SYT4: variants seen among roughly 807,000 people sequenced by gnomAD.
SYT4 encodes the protein synaptotagmin 4.
Under a neutral mutation model 32.9 loss-of-function variants are expected in SYT4, and 7 were observed. That is an observed-to-expected ratio of 0.21 (90% CI 0.12 to 0.40). The LOEUF is 0.40. Among genes scored for constraint, SYT4 ranks in the 10% least tolerant of loss-of-function variants. The probability of loss-of-function intolerance (pLI) is 1.00; values close to 1 mark genes in which losing one functional copy is unlikely to be tolerated. For missense variants in SYT4, 480 were observed against 488.0 expected (o/e 0.98, Z 0.16); for synonymous variants, 205 against 186.2 (o/e 1.10, Z -0.82).
chr18:43,270,916 G>A (rs1251804190), intron 3 of SYT4, among the ~76,000 whole-genome samples: 1 of 151,878 alleles, frequency 6.6e-6, no homozygotes, highest in East Asian at 1.9e-4. Context: ...TAACACAAAA[G>A]GAAAGAAAAT....
chr18:43,271,911 C>CG, intron 2 of SYT4, 79 bp from the exon 3 acceptor site: 6 of 1,387,752 alleles, frequency 4.3e-6, no homozygotes, highest in South Asian at 1.4e-5. Flanking sequence ...GTTTAAATAA[C>CG]ATCGTCATTT....
chr18:43,273,674 T>C lies in SYT4; in HGVS notation c.755A>G (p.Asp252Gly). ...ILSFDRFSRDDIIGEVLIPLS... is the reference protein window; with the variant it reads ...ILSFDRFSRDGIIGEVLIPLS... The stretch of plus-strand genomic sequence containing the variant: ...AGGAATTAGAACTTCCCCAATGATA[T>C]CATCTCTTGAAAACCTGTCAAAACT... The change falls in exon 2 of 4, where the codon GAT becomes GGT. Residue 252 changes from aspartate (D) to glycine (G), a missense_variant. Asp to Gly is a moderately conservative substitution (Grantham distance 94). Coordinates refer to ENST00000255224, the MANE Select transcript of SYT4 (RefSeq NM_020783.4). 6.2e-7 allele frequency: 1 copy of C among 1,613,952 alleles called. No individual in the cohort carries two copies. Among genetic ancestry groups the C allele is most frequent in the Non-Finnish European group, 8.5e-7 (1 of 1,179,876 alleles).
intron 2 of SYT4, among the ~76,000 whole-genome samples, chr18:43,272,345 A>G (rs1437720877): frequency 6.6e-6 from 1 of 152,130 alleles, no homozygotes; most frequent in Admixed American, 6.6e-5. Context: ...TCTGATCCCA[A>G]CTACATTCCT....
rs112781191 is a variant in SYT4, at chr18:43,273,643, C to T, written c.786G>A (p.Ser262=). ...DIIGEVLIPL[S]GIELSEGKML... is the part of the protein sequence containing the mutation. The stretch of plus-strand genomic sequence containing the variant: ...TTTTTCCTTCAGATAATTCAATTCC[C>T]GAGAGAGGAATTAGAACTTCCCCAA... The change falls in exon 2 of 4, where the codon TCG becomes TCA. Residue 262 remains serine (S), a synonymous_variant. Coordinates refer to ENST00000255224, the MANE Select transcript of SYT4 (RefSeq NM_020783.4). 7.8e-5 allele frequency: 126 copies of T among 1,613,608 alleles called. 1 individual carries two copies. The African/African-American group carries it at 8.8e-4, about 11-fold the overall frequency.
At chr18:43,272,685 C>G (rs1908666562) in intron 2 of SYT4, among the ~76,000 whole-genome samples, 1 of 152,092 alleles carries the variant, frequency 6.6e-6, no homozygotes, top group Non-Finnish European at 1.5e-5. Flanking sequence ...AGTAGGCACT[C>G]TAAGGAGAAT....
In SYT4 at chr18:43,268,582, T is replaced by C. The variant is rs976032219; in HGVS notation, c.*1759A>G. 6 of 152,522 alleles carry C rather than the reference T, an allele frequency of 3.9e-5. No individual in the cohort carries two copies. Among genetic ancestry groups the C allele is most frequent in the Admixed American group, 3.3e-4 (5 of 15,290 alleles). 9.4% of individuals were successfully genotyped at this position (152,522 alleles called of 1,614,324 possible). On this transcript the variant is annotated 3_prime_UTR_variant, in exon 4 of 4. Transcript: ENST00000255224. ...CAAATGCACATACATAAAATGGCCA[T>C]TTGACTTCCCCAAACTACACACCTA...
At position 43,273,786 on chromosome 18, in the gene SYT4, A is replaced by T. The variant is rs755963487; in HGVS notation, c.643T>A (p.Leu215Met). Residue 215 changes from leucine to methionine, a missense_variant, in exon 2 of 4, where the codon TTG becomes ATG. By Grantham distance (15) the Leu-to-Met change is conservative (BLOSUM62 2). Coordinates refer to ENST00000255224, the MANE Select transcript of SYT4 (RefSeq NM_020783.4). ...AAGGTCTCATCAAAAGCTGGATCCA[A>T]GGTTTTTCTCAGCACTCTAGTTTTC... ...KVKTRVLRKTLDPAFDETFTF... is the reference protein window; with the variant it reads ...KVKTRVLRKTMDPAFDETFTF... 4.3e-6 allele frequency: 7 copies of T among 1,613,928 alleles called. No homozygotes were observed. Among genetic ancestry groups the T allele is most frequent in the Non-Finnish European group, 5.1e-6 (6 of 1,179,948 alleles).
rs1336947447 is a variant in SYT4, at chr18:43,269,750, C to A, written c.*591G>T. 1 of 153,250 alleles carries A rather than the reference C, an allele frequency of 6.5e-6. No homozygotes were observed. Among genetic ancestry groups the A allele is most frequent in the Non-Finnish European group, 1.5e-5 (1 of 68,548 alleles). 9.5% of individuals were successfully genotyped at this position (153,250 alleles called of 1,614,324 possible). ...AATAATTTCTCAGCTTGTTCACTGT[C>A]CTTTTGAAATGAATCTGAGTTACTC... On this transcript the variant is annotated 3_prime_UTR_variant, in exon 4 of 4. Coordinates refer to ENST00000255224, the MANE Select transcript of SYT4 (RefSeq NM_020783.4).
chr18:43,273,979 T>C lies in SYT4; in HGVS notation c.450A>G (p.Lys150=). The change falls in exon 2 of 4, where the codon AAA becomes AAG. Residue 150 remains lysine, a synonymous_variant. Transcript: ENST00000255224. ...AGAAGAGAGTTCCCAGCTTCTCTTGTTTCTCTTCTGAAGTAAGGGAAGTGC... is the reference window on the plus strand; with the variant it reads ...AGAAGAGAGTTCCCAGCTTCTCTTGCTTCTCTTCTGAAGTAAGGGAAGTGC... ...KSSTSLTSEE[K]QEKLGTLFFS... 1 of 1,613,958 alleles carries C rather than the reference T, an allele frequency of 6.2e-7. No individual in the cohort carries two copies. The highest frequency in any genetic ancestry group is 8.5e-7 in the Non-Finnish European group (1 of 1,179,938).
intron 3 of SYT4, among the ~76,000 whole-genome samples, chr18:43,270,852 G>C (rs932099295): frequency 6.6e-6 from 1 of 151,484 alleles, no homozygotes; most frequent in Non-Finnish European, 1.5e-5. Flanking sequence ...GAAAATAAGA[G>C]AAAAAAGTTC....
intron 1 of SYT4, among the ~76,000 whole-genome samples, chr18:43,276,085 A>G (rs1330958246): frequency 1.3e-5 from 2 of 152,214 alleles, no homozygotes; most frequent in African/African-American, 4.8e-5. Context: ...ATTCCTCCAT[A>G]TTAGAAAATC....
At chr18:43,275,282 T>C (rs1598665291) in intron 1 of SYT4, among the ~76,000 whole-genome samples, 2 of 152,276 alleles carry the variant, frequency 1.3e-5, no homozygotes, top group East Asian at 1.9e-4. Context: ...TGATGGCACA[T>C]TAAATTACTG....
In SYT4 at chr18:43,269,447, T is replaced by C. The variant is rs1368383258; in HGVS notation, c.*894A>G. Reference sequence around the variant, plus strand: ...TGGGTACAAACGATGGCCTTAAAAGTACACTTGCACACTATACCTATTTCC... The same window carrying C: ...TGGGTACAAACGATGGCCTTAAAAGCACACTTGCACACTATACCTATTTCC... On this transcript the variant is annotated 3_prime_UTR_variant, in exon 4 of 4. Coordinates refer to ENST00000255224, the MANE Select transcript of SYT4 (RefSeq NM_020783.4). 2.0e-5 allele frequency: 3 copies of C among 152,358 alleles called. No homozygotes were observed. Among genetic ancestry groups the C allele is most frequent in the Non-Finnish European group, 4.4e-5 (3 of 68,026 alleles). The allele number at this position is 152,358 out of a possible 1,614,324, so 9.4% of individuals were successfully genotyped here.
At chr18:43,271,445 A>G (rs1908627245) in intron 3 of SYT4, among the ~76,000 whole-genome samples, 1 of 152,122 alleles carries the variant, frequency 6.6e-6, no homozygotes, top group Non-Finnish European at 1.5e-5. Context: ...ATACCCAATC[A>G]TATTTTGCTA....
At position 43,270,023 on chromosome 18, in the gene SYT4, T is replaced by G; in HGVS notation, c.*318A>C. Reference sequence around the variant, plus strand: ...ATTAACTTTTTGTGACATGTTCCAATGAGATTGTCACATTTATAATTTGGG... The same window carrying G: ...ATTAACTTTTTGTGACATGTTCCAAGGAGATTGTCACATTTATAATTTGGG... On this transcript the variant is annotated 3_prime_UTR_variant, in exon 4 of 4. Coordinates refer to ENST00000255224, the MANE Select transcript of SYT4 (RefSeq NM_020783.4). 3.6e-6 allele frequency: 1 copy of G among 281,080 alleles called. No individual in the cohort carries two copies. The highest frequency in any genetic ancestry group is 6.7e-6 in the Non-Finnish European group (1 of 149,504). The allele number at this position is 281,080 out of a possible 1,614,324, so 17.4% of individuals were successfully genotyped here.
chr18:43,270,985 A>C (rs781549643), intron 3 of SYT4, among the ~76,000 whole-genome samples: 1 of 152,318 alleles, frequency 6.6e-6, no homozygotes, highest in African/African-American at 2.4e-5. Context: ...ATAGGATAGA[A>C]GGAAAAAAAT....
In SYT4 at chr18:43,270,421, T is replaced by C. The variant is rs778251943; in HGVS notation, c.1198A>G (p.Thr400Ala). The C allele has an allele frequency of 1.5e-5, 25 of 1,614,092 alleles. No individual in the cohort carries two copies. The highest frequency in any genetic ancestry group is 2.1e-5 in the Non-Finnish European group (25 of 1,179,972). ...QLVLGAAAEG[T>A]GGEHWKEICD... The stretch of plus-strand genomic sequence containing the variant: ...ATCTCTTTCCAGTGCTCTCCACCAG[T>C]TCCTTCTGCTGCTGCACCCAAGACT... Residue 400 changes from threonine to alanine, a missense_variant, in exon 4 of 4, where the codon ACT (threonine) becomes GCT (alanine). By Grantham distance (58) the Thr-to-Ala change is moderately conservative. Transcript: ENST00000255224.
At chr18:43,276,312 T>A (rs1286410587) in intron 1 of SYT4, among the ~76,000 whole-genome samples, 1 of 152,190 alleles carries the variant, frequency 6.6e-6, no homozygotes, top group African/African-American at 2.4e-5. Flanking sequence ...ATCTTGAAAG[T>A]CAAGATCATA....
chr18:43,273,783 C>T lies in SYT4; in HGVS notation c.646G>A (p.Asp216Asn), dbSNP rs1283962790. 2.5e-6 allele frequency: 4 copies of T among 1,613,858 alleles called. No individual in the cohort carries two copies. The South Asian group carries it at 4.4e-5, about 18-fold the overall frequency. ...GTAAAGGTCTCATCAAAAGCTGGAT[C>T]CAAGGTTTTTCTCAGCACTCTAGTT... is the stretch of plus-strand genomic sequence containing the variant. ...VKTRVLRKTL[D>N]PAFDETFTFY... is the part of the protein sequence containing the mutation. The change falls in exon 2 of 4, where the codon GAT (aspartate) becomes AAT (asparagine). Residue 216 changes from aspartate to asparagine, a missense_variant. Asp to Asn is a conservative substitution (Grantham distance 23). Coordinates refer to ENST00000255224, the MANE Select transcript of SYT4 (RefSeq NM_020783.4).
Sources: gnomAD v4.1 joint callset for allele counts (sites outside exome capture counted in the v4.1 genomes callset) on GRCh38, gnomAD v4.1.1 for gene constraint, MANE v1.5 for transcripts, NCBI Gene and HGNC (gene_info 2026-07-23, HGNC 2026-07-21) for gene names.